Variants in ABCG8 observed in about 807,000 individuals in gnomAD.
ABCG8 encodes the protein ATP-binding cassette sub-family G member 8.
In ABCG8, 81 loss-of-function variants were observed where a neutral mutation model predicts 71.3. The observed-to-expected ratio is 1.14, with a 90% CI of 0.95 to 1.37. ABCG8 has a LOEUF of 1.37. Among genes scored for constraint, ABCG8 ranks in the 40% most tolerant of loss-of-function variants. ABCG8 has a pLI of 0.00. For missense variants in ABCG8, 1,119 were observed against 866.2 expected (o/e 1.29, Z -3.66); for synonymous variants, 451 against 354.7 (o/e 1.27, Z -3.05).
At chr2:43,866,248 G>C (rs956844904) in intron 6 of ABCG8, among the ~76,000 whole-genome samples, 1 of 151,298 alleles carries the variant, frequency 6.6e-6, no homozygotes, top group African/African-American at 2.4e-5. Flanking sequence ...AGCCCTAGAA[G>C]AAAACCTAGG....
chr2:43,876,440 G>A (rs892885457), intron 11 of ABCG8, among the ~76,000 whole-genome samples: 3 of 152,102 alleles, frequency 2.0e-5, no homozygotes, highest in Admixed American at 6.5e-5. Flanking sequence ...GAATACGGGG[G>A]AGACTGTGTC....
At position 43,875,325 on chromosome 2, in the gene ABCG8, C is replaced by A; in HGVS notation, c.1668C>A (p.Phe556Leu). Residue 556 changes from phenylalanine (F) to leucine (L), a missense_variant, in exon 11 of 13, where the codon TTC becomes TTA. Physicochemically the swap from Phe to Leu is conservative, Grantham distance 22 (BLOSUM62 0). Coordinates refer to ENST00000272286, the MANE Select transcript of ABCG8 (RefSeq NM_022437.3). The part of the protein sequence containing the change: ...ALAAAALLPT[F>L]HMASFFSNAL... ...CCGCCGCGGCCCTGCTCCCCACCTT[C>A]CACATGGCCTCCTTCTTCAGCAATG... 1.9e-6 allele frequency: 3 copies of A among 1,614,188 alleles called. No homozygotes were observed. Among genetic ancestry groups the A allele is most frequent in the Non-Finnish European group, 2.5e-6 (3 of 1,180,050 alleles).
rs1470061328 is a variant in ABCG8 at position 43,844,574 on chromosome 2, C to A, written c.131C>A (p.Pro44His). 1 of 1,614,132 alleles carries A rather than the reference C, an allele frequency of 6.2e-7. No individual in the cohort carries two copies. The highest frequency in any genetic ancestry group is 8.5e-7 in the Non-Finnish European group (1 of 1,180,006). ...CTGTACTTCACCTACAGTGGCCAGCCCAACACCCTGGAGGTCAGAGACCTC... is the reference window on the plus strand; with the variant it reads ...CTGTACTTCACCTACAGTGGCCAGCACAACACCCTGGAGGTCAGAGACCTC... ...NSLYFTYSGQ[P>H]NTLEVRDLNY... The change falls in exon 2 of 13, where the codon CCC becomes CAC. Residue 44 changes from proline to histidine, a missense_variant. Physicochemically the swap from Pro to His is moderately conservative, Grantham distance 77. Coordinates refer to ENST00000272286, the MANE Select transcript of ABCG8 (RefSeq NM_022437.3).
intron 6 of ABCG8, among the ~76,000 whole-genome samples, chr2:43,863,096 A>T (rs558152658): frequency 6.7e-6 from 1 of 150,246 alleles, no homozygotes; most frequent in African/African-American, 2.4e-5. Flanking sequence ...TATGGATAGA[A>T]CTCTCACTAT....
At chr2:43,875,059 A>C in intron 10 of ABCG8, 87 bp from the exon 11 acceptor site, 2 of 1,582,798 alleles carry the variant, frequency 1.3e-6, no homozygotes, top group Non-Finnish European at 1.7e-6. Context: ...GAAGGTTGCT[A>C]TCTGGGGGCA....
intron 3 of ABCG8, among the ~76,000 whole-genome samples, chr2:43,849,910 C>G (rs191791767): frequency 6.6e-5 from 10 of 152,236 alleles, no homozygotes; most frequent in Admixed American, 5.9e-4. Flanking sequence ...GATCAAAACT[C>G]CATCTGGGGC....
chr2:43,854,273 G>A (rs758049588), intron 6 of ABCG8, among the ~76,000 whole-genome samples: 36 of 152,186 alleles, frequency 2.4e-4, no homozygotes, highest in Non-Finnish European at 5.0e-4. Context: ...ACACTAGGGG[G>A]CCACATCATG....
At chr2:43,877,082 A>G (rs1244147336) in intron 11 of ABCG8, among the ~76,000 whole-genome samples, 2 of 147,220 alleles carry the variant, frequency 1.4e-5, no homozygotes, top group Non-Finnish European at 3.0e-5. Flanking sequence ...GGAGACTGGG[A>G]ATATGAGGAA....
chr2:43,863,970 C>G (rs1397071737), intron 6 of ABCG8, among the ~76,000 whole-genome samples: 6 of 151,514 alleles, frequency 4.0e-5, no homozygotes, highest in Admixed American at 1.3e-4. Context: ...AGGTAGAACT[C>G]TTACTGTCAA....
intron 11 of ABCG8, 151 bp downstream of exon 11, chr2:43,875,564 G>A: frequency 1.0e-6 from 1 of 983,190 alleles, no homozygotes; most frequent in Non-Finnish European, 1.5e-6. Flanking sequence ...CTGCCCTGGA[G>A]GCCAAAGGAA....
intron 6 of ABCG8, among the ~76,000 whole-genome samples, chr2:43,864,931 T>C (rs771621656): frequency 2.0e-5 from 3 of 149,856 alleles, no homozygotes; most frequent in Non-Finnish European, 4.5e-5. Flanking sequence ...TCTCTGCATA[T>C]AACTCTCACT....
chr2:43,850,489 A>G (rs996237431), intron 3 of ABCG8, among the ~76,000 whole-genome samples: 2 of 152,182 alleles, frequency 1.3e-5, no homozygotes, highest in Non-Finnish European at 2.9e-5. Context: ...GGGATGCACA[A>G]GTAGGTTTGT....
At chr2:43,851,205 C>CAT (rs1668902590) in intron 3 of ABCG8, among the ~76,000 whole-genome samples, 1 of 152,188 alleles carries the variant, frequency 6.6e-6, no homozygotes, top group Admixed American at 6.5e-5. Flanking sequence ...TATGTTAACA[C>CAT]CAGCCTGCCT....
chr2:43,862,676 T>G (rs72796787), intron 6 of ABCG8, among the ~76,000 whole-genome samples: 1 of 151,326 alleles, frequency 6.6e-6, no homozygotes, highest in Non-Finnish European at 1.5e-5. Flanking sequence ...AATAGAATTC[T>G]CACTCTCTGG....
intron 6 of ABCG8, among the ~76,000 whole-genome samples, chr2:43,854,287 T>A (rs61145568): frequency 0.054 from 8,260 of 152,250 alleles, 275 homozygotes; most frequent in Middle Eastern, 0.11. Flanking sequence ...CATCATGGTT[T>A]ATAAGACCCC....
chr2:43,840,896 G>A (rs148872234), intron 1 of ABCG8, among the ~76,000 whole-genome samples: 2 of 152,298 alleles, frequency 1.3e-5, no homozygotes, highest in Non-Finnish European at 2.9e-5. Context: ...AAAGTCCTCA[G>A]GAGGTTGGGC....
At chr2:43,877,250 C>A (rs547872552) in intron 11 of ABCG8, among the ~76,000 whole-genome samples, 1 of 141,576 alleles carries the variant, frequency 7.1e-6, no homozygotes, top group Admixed American at 7.0e-5. Flanking sequence ...GAGGCCGTGT[C>A]AATATAAAGG....
chr2:43,874,104 T>A, intron 9 of ABCG8, 118 bp downstream of exon 9: 1 of 1,154,546 alleles, frequency 8.7e-7, no homozygotes, highest in African/African-American at 1.5e-5. Flanking sequence ...AAGACAATAA[T>A]GTTTTTAAAG....
rs368646337 is a variant in ABCG8, at chr2:43,852,322, G to A, written c.562-32G>A. 26 of 1,611,728 alleles carry A rather than the reference G, an allele frequency of 1.6e-5. No individual in the cohort carries two copies. In the African/African-American group the frequency reaches 2.8e-4, roughly 17 times the overall value. ...GTGTCCAGCCCTGAAGGAGGCCCCT[G>A]AGGTGGCCTCAAAGCTCCTTCTGGC... On this transcript the variant is annotated intron_variant, in intron 4 of 12. Coordinates refer to ENST00000272286, the MANE Select transcript of ABCG8 (RefSeq NM_022437.3).
Sources: allele counts gnomAD v4.1 joint callset (sites outside exome capture counted in the v4.1 genomes callset), GRCh38; gene constraint gnomAD v4.1.1; transcripts MANE v1.5; gene names NCBI Gene and HGNC (gene_info 2026-07-23, HGNC 2026-07-21).